PLCB1: variants seen among roughly 807,000 people sequenced by gnomAD.
The protein encoded by PLCB1 is 1-phosphatidylinositol 4,5-bisphosphate phosphodiesterase beta-1.
A neutral mutation model predicts 161.8 loss-of-function variants in PLCB1; 46 were observed. The observed-to-expected ratio is 0.28, with a 90% CI of 0.22 to 0.36. The LOEUF (loss-of-function observed/expected upper bound fraction) is 0.36. PLCB1 is among the 10% of genes least tolerant of loss of function. The probability of loss-of-function intolerance (pLI) is 1.00; values close to 1 mark genes in which losing one functional copy is unlikely to be tolerated. For missense variants in PLCB1, 1,016 were observed against 1,472.5 expected (o/e 0.69, Z 5.07); for synonymous variants, 517 against 503.7 (o/e 1.03, Z -0.35).
chr20:8,816,909 G>C (rs1985109024), intron 31 of PLCB1, among the ~76,000 whole-genome samples: 1 of 152,160 alleles, frequency 6.6e-6, no homozygotes, highest in Non-Finnish European at 1.5e-5. Flanking sequence ...TGTTCATCTG[G>C]AACCACTTCT....
chr20:8,722,207 A>G (rs1979680266), intron 14 of PLCB1, 147 bp from the exon 15 acceptor site: 2 of 556,414 alleles, frequency 3.6e-6, no homozygotes, highest in Non-Finnish European at 3.1e-6. Context: ...TATAACGAAT[A>G]AAATTTAAAT....
chr20:8,685,241 C>G (rs1297385543), intron 10 of PLCB1, among the ~76,000 whole-genome samples, 163 bp downstream of exon 10: 1 of 152,168 alleles, frequency 6.6e-6, no homozygotes, highest in East Asian at 1.9e-4. Flanking sequence ...CTCCCATAAG[C>G]AGTCATGTCC....
intron 10 of PLCB1, among the ~76,000 whole-genome samples, chr20:8,693,160 T>G (rs1174422938): frequency 6.6e-6 from 1 of 152,208 alleles, no homozygotes; most frequent in Non-Finnish European, 1.5e-5. Context: ...TCATATCACT[T>G]TCATATCCCC....
At chr20:8,722,529 C>T (rs746327695) in intron 15 of PLCB1, 108 bp downstream of exon 15, 5 of 646,784 alleles carry the variant, frequency 7.7e-6, no homozygotes, top group Non-Finnish European at 1.2e-5. Context: ...TAGATTTGTG[C>T]CTTCCAATTG....
chr20:8,219,466 T>C (rs1276139942), intron 2 of PLCB1, among the ~76,000 whole-genome samples: 1 of 152,162 alleles, frequency 6.6e-6, no homozygotes, highest in Non-Finnish European at 1.5e-5. Flanking sequence ...TGGGATGCTC[T>C]CTATAAGGGA....
At chr20:8,798,738 C>CT (rs1157885114) in intron 31 of PLCB1, among the ~76,000 whole-genome samples, 12 of 152,196 alleles carry the variant, frequency 7.9e-5, no homozygotes, top group South Asian at 2.1e-4. Flanking sequence ...TGACTGCTGA[C>CT]TCCCCCATCA....
intron 1 of PLCB1, among the ~76,000 whole-genome samples, chr20:8,135,893 T>G (rs1472393806): frequency 6.6e-6 from 1 of 151,880 alleles, no homozygotes; most frequent in African/African-American, 2.4e-5. Context: ...GGAAGGAGAG[T>G]TACTTTCTTG....
intron 2 of PLCB1, chr20:8,306,033 G>A (rs1050250669): frequency 1.3e-5 from 2 of 152,136 alleles, no homozygotes; most frequent in African/African-American, 4.8e-5. Context: ...CATAAAATAA[G>A]GACTTGTTCT....
At chr20:8,606,537 G>A (rs899674216) in intron 3 of PLCB1, among the ~76,000 whole-genome samples, 2 of 152,034 alleles carry the variant, frequency 1.3e-5, no homozygotes, top group African/African-American at 2.4e-5. Context: ...GTGCCCTAAT[G>A]CTACCACTAG....
At chr20:8,285,548 T>C (rs144914852) in intron 2 of PLCB1, among the ~76,000 whole-genome samples, 147 of 152,314 alleles carry the variant, frequency 9.7e-4, no homozygotes, top group African/African-American at 3.4e-3. Context: ...GGCTGGTTCA[T>C]TGATCCAGAC....
chr20:8,305,592 A>T (rs1005086124), intron 2 of PLCB1: 1 of 152,110 alleles, frequency 6.6e-6, no homozygotes, highest in Non-Finnish European at 1.5e-5. Flanking sequence ...TGATGAGTCC[A>T]CTTCCTGTAA....
At chr20:8,671,812 C>G (rs1263806337) in intron 9 of PLCB1, among the ~76,000 whole-genome samples, 2 of 152,184 alleles carry the variant, frequency 1.3e-5, no homozygotes, top group Non-Finnish European at 2.9e-5. Flanking sequence ...CCACACCCAC[C>G]ACTATCTGTC....
intron 1 of PLCB1, among the ~76,000 whole-genome samples, chr20:8,146,276 G>A (rs910313943): frequency 7.2e-5 from 11 of 152,148 alleles, no homozygotes; most frequent in Admixed American, 2.6e-4. Flanking sequence ...TATAGAGTGC[G>A]TACTTGAAGG....
chr20:8,452,930 A>G (rs17349305), intron 3 of PLCB1, among the ~76,000 whole-genome samples: 8,909 of 152,308 alleles, frequency 0.058, 400 homozygotes, highest in Middle Eastern at 0.12. Context: ...TGCCTGGTTG[A>G]ATGTCCCTGA....
chr20:8,776,560 G>A (rs971910140), intron 27 of PLCB1, among the ~76,000 whole-genome samples: 5 of 152,156 alleles, frequency 3.3e-5, no homozygotes, highest in African/African-American at 1.2e-4. Context: ...TTTAAAGTGT[G>A]CAGTTCAATG....
chr20:8,492,630 G>T (rs1193425595), intron 3 of PLCB1, among the ~76,000 whole-genome samples: 4 of 151,996 alleles, frequency 2.6e-5, no homozygotes, highest in Non-Finnish European at 4.4e-5. Context: ...AAAATGGTGG[G>T]GTTGGGGCTG....
At chr20:8,367,880 G>A (rs1047227876) in intron 2 of PLCB1, among the ~76,000 whole-genome samples, 1 of 152,218 alleles carries the variant, frequency 6.6e-6, no homozygotes, top group Non-Finnish European at 1.5e-5. Context: ...ACTCCAGAGG[G>A]GTGGCTGTGG....
At chr20:8,546,121 C>T (rs1238076018) in intron 3 of PLCB1, among the ~76,000 whole-genome samples, 1 of 151,850 alleles carries the variant, frequency 6.6e-6, no homozygotes, top group East Asian at 1.9e-4. Context: ...TTGAGACCAG[C>T]CTGGCCAATA....
chr20:8,172,845 TG>T (rs2051746189), intron 2 of PLCB1, among the ~76,000 whole-genome samples: 1 of 152,130 alleles, frequency 6.6e-6, no homozygotes, highest in Non-Finnish European at 1.5e-5. Flanking sequence ...AGAAGCAGCA[TG>T]GGGCAGGGTA....
Sources: gnomAD v4.1 joint callset for allele counts (sites outside exome capture counted in the v4.1 genomes callset) on GRCh38, gnomAD v4.1.1 for gene constraint, MANE v1.5 for transcripts, NCBI Gene and HGNC (gene_info 2026-07-23, HGNC 2026-07-21) for gene names.